The following GSG1L variants were observed in gnomAD, a reference collection of about 807,000 sequenced individuals.
GSG1L encodes germ cell-specific gene 1-like protein.
GSG1L carries 24 observed loss-of-function variants against 42.1 expected under a neutral mutation model. The ratio of observed to expected loss-of-function variants is 0.57; its 90% CI spans 0.41 to 0.80. The LOEUF is 0.80. Among genes scored for constraint, GSG1L ranks in the 30% least tolerant of loss-of-function variants. The probability of loss-of-function intolerance (pLI) is 0.00; values close to 1 mark genes in which losing one functional copy is unlikely to be tolerated. For synonymous variants in GSG1L, 215 were observed against 203.5 expected (o/e 1.06, Z -0.48); for missense variants, 445 against 472.2 (o/e 0.94, Z 0.53).
rs118040398 is a variant in GSG1L at position 27,891,161 on chromosome 16, G to A, written c.398-6523C>T. Among the ~76,000 whole-genome samples the A allele has an allele frequency of 2.2e-3, 339 of 152,342 alleles. 5 individuals carry two copies. The highest frequency in any genetic ancestry group is 0.014 in the East Asian group (74 of 5,174). ...GTAAGCTGGTGAATAAGTCCCAGAA[G>A]CTGGGTGCCACTGGGGGCTGTGAGC... On this transcript the variant is annotated intron_variant, in intron 2 of 6. Transcript: ENST00000447459.
chr16:27,909,381 C>CTTTT (rs34041209), intron 2 of GSG1L, among the ~76,000 whole-genome samples: 3 of 117,808 alleles, frequency 2.5e-5, no homozygotes, highest in Admixed American at 9.3e-5. Context: ...TCTTCTTTTT[C>CTTTT]TTTTTTTTTT....
At chr16:27,964,917 T>C (rs894071860) in intron 1 of GSG1L, among the ~76,000 whole-genome samples, 2 of 152,166 alleles carry the variant, frequency 1.3e-5, no homozygotes, top group Admixed American at 6.6e-5. Flanking sequence ...TATTTTTAAA[T>C]GACAAAAAGA....
intron 2 of GSG1L, among the ~76,000 whole-genome samples, chr16:27,891,840 T>G (rs902151701): frequency 6.8e-6 from 1 of 147,776 alleles, no homozygotes; most frequent in Non-Finnish European, 1.5e-5. Context: ...TCACTTGAAC[T>G]ATTTGGGGGA....
chr16:27,913,281 A>T (rs2084413020), intron 2 of GSG1L, among the ~76,000 whole-genome samples: 1 of 152,232 alleles, frequency 6.6e-6, no homozygotes, highest in African/African-American at 2.4e-5. Flanking sequence ...TTGTCGCGAA[A>T]CTGAACAAAT....
chr16:27,934,042 A>ATTCT (rs1184817316), intron 2 of GSG1L, among the ~76,000 whole-genome samples: 1 of 152,190 alleles, frequency 6.6e-6, no homozygotes, highest in African/African-American at 2.4e-5. Context: ...GTTGATGAGA[A>ATTCT]CTCCACAGGA....
chr16:27,894,566 G>A (rs1024455821), intron 2 of GSG1L, among the ~76,000 whole-genome samples: 2 of 152,196 alleles, frequency 1.3e-5, no homozygotes, highest in Admixed American at 6.5e-5. Flanking sequence ...CCCTGATACC[G>A]AGCATGTTGA....
At chr16:27,916,511 T>C (rs1341161428) in intron 2 of GSG1L, among the ~76,000 whole-genome samples, 4 of 143,220 alleles carry the variant, frequency 2.8e-5, no homozygotes, top group African/African-American at 1.1e-4. Flanking sequence ...TTTGTAGAGA[T>C]GAGTTCTCAT....
intron 2 of GSG1L, among the ~76,000 whole-genome samples, chr16:27,940,164 C>T (rs2084771396): frequency 6.6e-6 from 1 of 152,160 alleles, no homozygotes; most frequent in Non-Finnish European, 1.5e-5. Flanking sequence ...TACCATCTCA[C>T]ACCAGTTAGA....
intron 6 of GSG1L, among the ~76,000 whole-genome samples, chr16:27,800,900 G>T (rs1179111031): frequency 1.3e-5 from 2 of 152,138 alleles, no homozygotes; most frequent in Non-Finnish European, 2.9e-5. Flanking sequence ...CGAAAACCAA[G>T]CATGTGAACA....
intron 1 of GSG1L, among the ~76,000 whole-genome samples, chr16:27,993,686 T>A (rs1271269954): frequency 6.6e-6 from 1 of 152,072 alleles, no homozygotes; most frequent in Non-Finnish European, 1.5e-5. Context: ...GGTCCTTAGT[T>A]GAATTCTTTC....
At chr16:27,992,328 T>C (rs560695814) in intron 1 of GSG1L, among the ~76,000 whole-genome samples, 1 of 152,256 alleles carries the variant, frequency 6.6e-6, no homozygotes, top group African/African-American at 2.4e-5. Context: ...ACCTCGTCTC[T>C]ACTAAAAATA....
intron 1 of GSG1L, among the ~76,000 whole-genome samples, chr16:28,014,688 G>A (rs143630649): frequency 0.011 from 1,526 of 145,272 alleles, 40 homozygotes; most frequent in African/African-American, 0.037. Context: ...TGGTAGGGAC[G>A]GGGTCTCACT....
chr16:27,793,428 C>T (rs2082777026), intron 6 of GSG1L, among the ~76,000 whole-genome samples: 1 of 152,100 alleles, frequency 6.6e-6, no homozygotes, highest in South Asian at 2.1e-4. Flanking sequence ...TGGCCTCAGT[C>T]ATGGAAACCA....
intron 3 of GSG1L, among the ~76,000 whole-genome samples, chr16:27,861,016 G>A (rs907773895): frequency 4.6e-5 from 7 of 152,332 alleles, no homozygotes; most frequent in African/African-American, 1.4e-4. Flanking sequence ...GGGGGTTGGC[G>A]TGAGCTGCAT....
At chr16:27,893,797 G>A (rs1348143772) in intron 2 of GSG1L, among the ~76,000 whole-genome samples, 1 of 152,020 alleles carries the variant, frequency 6.6e-6, no homozygotes, top group Non-Finnish European at 1.5e-5. Flanking sequence ...CTGTCTCCCA[G>A]GCTAGAGTGA....
intron 1 of GSG1L, among the ~76,000 whole-genome samples, chr16:27,976,461 T>A (rs2085252111): frequency 6.6e-6 from 1 of 152,176 alleles, no homozygotes; most frequent in African/African-American, 2.4e-5. Context: ...TCATAAATCG[T>A]CTTTCTCAAG....
rs192026188 is a variant in GSG1L at position 27,838,556 on chromosome 16, C to T, written c.662+6394G>A. Among the ~76,000 whole-genome samples, 4 of 152,282 alleles carry T rather than the reference C, an allele frequency of 2.6e-5. No homozygotes were observed. The East Asian group carries it at 7.7e-4, about 29-fold the overall frequency. On this transcript the variant is annotated intron_variant, in intron 4 of 6. Transcript: ENST00000447459. ...ACAGGGGTTGTCAATTCTTCATCCC[C>T]TGGGAGCAGCAGGGGCAGAGGGACA... is the stretch of plus-strand genomic sequence containing the variant.
chr16:27,920,992 C>T (rs1042723786), intron 2 of GSG1L, among the ~76,000 whole-genome samples: 14 of 152,256 alleles, frequency 9.2e-5, no homozygotes, highest in African/African-American at 2.6e-4. Context: ...TTCTATCAGA[C>T]GGAATGAAAT....
chr16:27,875,261 T>TTCTC (rs2083873131), intron 3 of GSG1L, among the ~76,000 whole-genome samples: 1 of 152,260 alleles, frequency 6.6e-6, no homozygotes, highest in South Asian at 2.1e-4. Flanking sequence ...TATCACTGCT[T>TTCTC]TCTCACCCCT....
Sources: allele counts gnomAD v4.1 joint callset (sites outside exome capture counted in the v4.1 genomes callset), GRCh38; gene constraint gnomAD v4.1.1; transcripts MANE v1.5; gene names NCBI Gene and HGNC (gene_info 2026-07-23, HGNC 2026-07-21).